Variants in LDLRAD4 observed in about 807,000 individuals in gnomAD.
LDLRAD4 encodes the protein low-density lipoprotein receptor class A domain-containing protein 4.
Under a neutral mutation model 17.0 loss-of-function variants are expected in LDLRAD4, and 5 were observed. That is an observed-to-expected ratio of 0.29 (90% CI 0.15 to 0.62). The LOEUF is 0.62. LDLRAD4 is among the 20% of genes least tolerant of loss of function. The pLI is 0.84. For missense variants in LDLRAD4, 340 were observed against 424.7 expected (o/e 0.80, Z 1.75); for synonymous variants, 168 against 171.8 (o/e 0.98, Z 0.17).
intron 3 of LDLRAD4, among the ~76,000 whole-genome samples, chr18:13,564,117 G>T (rs2148247592): frequency 6.6e-6 from 1 of 152,322 alleles, no homozygotes; most frequent in African/African-American, 2.4e-5. Flanking sequence ...TGTTGCCCAG[G>T]CTAGTCTTGA....
At chr18:13,482,519 A>G (rs926035954) in intron 3 of LDLRAD4, among the ~76,000 whole-genome samples, 2 of 152,210 alleles carry the variant, frequency 1.3e-5, no homozygotes, top group African/African-American at 2.4e-5. Flanking sequence ...AGTTCCCCCC[A>G]TCACCACTCA....
chr18:13,375,804 TCTC>T, intron 1 of LDLRAD4, among the ~76,000 whole-genome samples: 1 of 152,190 alleles, frequency 6.6e-6, no homozygotes, highest in South Asian at 2.1e-4. Flanking sequence ...TGGGAGGCCT[TCTC>T]CTCCTCGTTT....
intron 3 of LDLRAD4, among the ~76,000 whole-genome samples, chr18:13,566,112 G>C (rs1389302204): frequency 1.3e-5 from 2 of 152,176 alleles, no homozygotes; most frequent in Non-Finnish European, 2.9e-5. Context: ...AGAGAGGGCA[G>C]GTGTCTAACA....
chr18:13,540,414 TA>T (rs1476369636), intron 3 of LDLRAD4, among the ~76,000 whole-genome samples: 7 of 152,230 alleles, frequency 4.6e-5, no homozygotes, highest in African/African-American at 1.7e-4. Context: ...CTGGGACTCA[TA>T]TTTTTTTTCT....
At chr18:13,580,793 G>A (rs1048635376) in intron 3 of LDLRAD4, among the ~76,000 whole-genome samples, 15 of 152,338 alleles carry the variant, frequency 9.8e-5, no homozygotes, top group Middle Eastern at 3.4e-3. Context: ...CTGTCAAGCT[G>A]TCTTTGAACT....
At chr18:13,596,239 C>T (rs1370224473) in intron 3 of LDLRAD4, among the ~76,000 whole-genome samples, 2 of 152,062 alleles carry the variant, frequency 1.3e-5, no homozygotes, top group South Asian at 2.1e-4. Flanking sequence ...ATGTTTTTTA[C>T]TTTCAACCTA....
intron 3 of LDLRAD4, among the ~76,000 whole-genome samples, chr18:13,473,679 A>ATATATATAT (rs2092854280): frequency 3.8e-5 from 1 of 26,032 alleles, no homozygotes. Flanking sequence ...ATATATATAT[A>ATATATATAT]ACGTTTACAT....
chr18:13,446,252 C>A (rs768379038), intron 3 of LDLRAD4, among the ~76,000 whole-genome samples: 1 of 152,104 alleles, frequency 6.6e-6, no homozygotes, highest in Admixed American at 6.5e-5. Context: ...CAAGGCGTGC[C>A]GCTGCTGGGG....
At chr18:13,551,254 C>G (rs1193091331) in intron 3 of LDLRAD4, among the ~76,000 whole-genome samples, 1 of 152,176 alleles carries the variant, frequency 6.6e-6, no homozygotes, top group Non-Finnish European at 1.5e-5. Context: ...CAGCGAGGGT[C>G]CCCCACAACC....
At chr18:13,278,335 G>C (rs2045021779) in intron 1 of LDLRAD4, 147 bp downstream of exon 2, 1 of 152,510 alleles carries the variant, frequency 6.6e-6, no homozygotes, top group Admixed American at 6.5e-5. Flanking sequence ...CTTCTTTGGG[G>C]CTGGATGTTA....
At chr18:13,574,909 C>G (rs1445414940) in intron 3 of LDLRAD4, among the ~76,000 whole-genome samples, 1 of 152,148 alleles carries the variant, frequency 6.6e-6, no homozygotes, top group Non-Finnish European at 1.5e-5. Context: ...TCTCTTGCCC[C>G]CATACGTCTC....
chr18:13,512,593 A>G (rs1319499952), intron 3 of LDLRAD4, among the ~76,000 whole-genome samples: 1 of 152,200 alleles, frequency 6.6e-6, no homozygotes, highest in East Asian at 1.9e-4. Flanking sequence ...TGTAGTTCAC[A>G]GTTCCTAGGT....
intron 1 of LDLRAD4, among the ~76,000 whole-genome samples, chr18:13,299,483 G>C (rs1230528975): frequency 6.6e-6 from 1 of 152,160 alleles, no homozygotes; most frequent in African/African-American, 2.4e-5. Flanking sequence ...CTGAGTTTGA[G>C]ACTAAAGCCC....
chr18:13,373,714 T>C (rs1055913193), intron 1 of LDLRAD4, among the ~76,000 whole-genome samples: 7 of 152,382 alleles, frequency 4.6e-5, no homozygotes, highest in South Asian at 4.1e-4. Flanking sequence ...TTTTGAATAG[T>C]ACCTGGCAGT....
intron 4 of LDLRAD4, among the ~76,000 whole-genome samples, chr18:13,623,872 C>T (rs1193602077): frequency 2.0e-5 from 3 of 152,214 alleles, no homozygotes; most frequent in Admixed American, 2.0e-4. Context: ...CTACTTCTAA[C>T]TTCTTTTAAG....
At chr18:13,626,098 G>A (rs369048202) in intron 4 of LDLRAD4, among the ~76,000 whole-genome samples, 111 of 152,112 alleles carry the variant, frequency 7.3e-4, no homozygotes, top group South Asian at 5.2e-3. Context: ...AGCAACTCAG[G>A]TGTGAATTAC....
chr18:13,231,932 C>A (rs1348226035), intron 1 of LDLRAD4, among the ~76,000 whole-genome samples: 1 of 152,230 alleles, frequency 6.6e-6, no homozygotes, highest in Non-Finnish European at 1.5e-5. Flanking sequence ...GTTGTCCAAA[C>A]CACATGGCAG....
At chr18:13,560,369 T>C (rs2094527942) in intron 3 of LDLRAD4, among the ~76,000 whole-genome samples, 1 of 152,176 alleles carries the variant, frequency 6.6e-6, no homozygotes, top group South Asian at 2.1e-4. Context: ...AATGGCCCAA[T>C]CTCAGAGCCC....
chr18:13,293,304 C>T (rs144124039), intron 1 of LDLRAD4, among the ~76,000 whole-genome samples: 23 of 152,314 alleles, frequency 1.5e-4, no homozygotes, highest in Non-Finnish European at 2.5e-4. Context: ...GCCACATAGA[C>T]GACCTGTAGC....
Sources: allele counts gnomAD v4.1 joint callset (sites outside exome capture counted in the v4.1 genomes callset), GRCh38; gene constraint gnomAD v4.1.1; transcripts MANE v1.5; gene names NCBI Gene and HGNC (gene_info 2026-07-23, HGNC 2026-07-21).